The following PLXDC2 variants were observed in gnomAD, a reference collection of about 807,000 sequenced individuals.
PLXDC2 encodes the protein plexin domain-containing protein 2.
PLXDC2 carries 40 observed loss-of-function variants against 68.9 expected under a neutral mutation model. The observed-to-expected ratio is 0.58, with a 90% confidence interval of 0.45 to 0.76. The LOEUF (loss-of-function observed/expected upper bound fraction) is 0.76. PLXDC2 is among the 30% of genes least tolerant of loss of function. The pLI, the probability that PLXDC2 is intolerant of heterozygous loss-of-function variation, is 0.00. For synonymous variants in PLXDC2, 243 were observed against 234.2 expected (o/e 1.04, Z -0.34); for missense variants, 644 against 661.9 (o/e 0.97, Z 0.30).
intron 4 of PLXDC2, among the ~76,000 whole-genome samples, chr10:20,099,563 T>C (rs1206865971): frequency 3.3e-5 from 5 of 152,172 alleles, no homozygotes. Context: ...ATATTGATTG[T>C]GTGGGGTTTC....
intron 1 of PLXDC2, among the ~76,000 whole-genome samples, chr10:19,973,275 T>A (rs915691721): frequency 1.3e-5 from 2 of 148,874 alleles, no homozygotes; most frequent in Admixed American, 1.4e-4. Context: ...CACAGATATA[T>A]GTATACACAT....
At chr10:19,824,981 T>A (rs148723695) in intron 1 of PLXDC2, among the ~76,000 whole-genome samples, 5 of 152,236 alleles carry the variant, frequency 3.3e-5, no homozygotes, top group African/African-American at 1.2e-4. Flanking sequence ...TTACTGGATA[T>A]CCAGACTTTT....
chr10:20,157,423 C>T (rs1834231590), intron 6 of PLXDC2, among the ~76,000 whole-genome samples: 1 of 152,160 alleles, frequency 6.6e-6, no homozygotes, highest in South Asian at 2.1e-4. Flanking sequence ...ATAGCTGGGC[C>T]TGTAATGGAA....
intron 1 of PLXDC2, among the ~76,000 whole-genome samples, chr10:19,950,153 T>C (rs10764180): frequency 5.3e-5 from 8 of 152,136 alleles, no homozygotes; most frequent in Admixed American, 3.9e-4. Context: ...ATATTACTAA[T>C]TGTCCTAGTC....
intron 4 of PLXDC2, among the ~76,000 whole-genome samples, chr10:20,123,224 G>A (rs1450021588): frequency 1.3e-5 from 2 of 152,122 alleles, no homozygotes; most frequent in Non-Finnish European, 2.9e-5. Flanking sequence ...GCAGCCTGGG[G>A]AGGAGGGGAG....
intron 1 of PLXDC2, among the ~76,000 whole-genome samples, chr10:19,920,520 C>A (rs1393525645): frequency 6.6e-6 from 1 of 152,230 alleles, no homozygotes; most frequent in Non-Finnish European, 1.5e-5. Flanking sequence ...AGGCCATGAA[C>A]TGGTGGAAGG....
At chr10:20,136,167 G>A (rs1240792531) in intron 4 of PLXDC2, among the ~76,000 whole-genome samples, 1 of 152,126 alleles carries the variant, frequency 6.6e-6, no homozygotes, top group African/African-American at 2.4e-5. Context: ...GCAAATACAA[G>A]CCGATATCCT....
intron 2 of PLXDC2, among the ~76,000 whole-genome samples, chr10:20,022,756 T>C (rs557867377): frequency 5.8e-4 from 88 of 152,256 alleles, no homozygotes; most frequent in Non-Finnish European, 1.0e-3. Flanking sequence ...AAGAGTGATG[T>C]ACATGCAAAT....
At chr10:20,183,258 G>T (rs781410005) in intron 9 of PLXDC2, among the ~76,000 whole-genome samples, 8 of 151,922 alleles carry the variant, frequency 5.3e-5, no homozygotes, top group Non-Finnish European at 1.2e-4. Context: ...CATATAGATA[G>T]TGTTTAAATT....
chr10:19,894,622 T>C (rs1259496098), intron 1 of PLXDC2, among the ~76,000 whole-genome samples: 1 of 152,240 alleles, frequency 6.6e-6, no homozygotes, highest in African/African-American at 2.4e-5. Context: ...TTATCTACAA[T>C]GTTACATCAG....
chr10:20,116,373 C>T (rs189520922), intron 4 of PLXDC2, among the ~76,000 whole-genome samples: 33 of 152,268 alleles, frequency 2.2e-4, no homozygotes, highest in Non-Finnish European at 4.3e-4. Flanking sequence ...TATCTGTTCT[C>T]GGGTTGTCCC....
chr10:19,885,829 C>T (rs1323003720), intron 1 of PLXDC2, among the ~76,000 whole-genome samples: 34 of 152,156 alleles, frequency 2.2e-4, no homozygotes, highest in Middle Eastern at 3.4e-3. Flanking sequence ...ATTGACTTGG[C>T]GATGCAGGCT....
At chr10:20,193,720 T>C (rs1834800136) in intron 9 of PLXDC2, among the ~76,000 whole-genome samples, 1 of 152,092 alleles carries the variant, frequency 6.6e-6, no homozygotes, top group African/African-American at 2.4e-5. Context: ...GTGCTTCTGT[T>C]AACATAAGAT....
chr10:19,931,579 G>A (rs972010533), intron 1 of PLXDC2, among the ~76,000 whole-genome samples: 3 of 152,076 alleles, frequency 2.0e-5, no homozygotes, highest in African/African-American at 4.8e-5. Flanking sequence ...AATGATCACC[G>A]CCCCCTAGGT....
chr10:20,235,613 G>A (rs768979237), intron 12 of PLXDC2, among the ~76,000 whole-genome samples: 1 of 152,158 alleles, frequency 6.6e-6, no homozygotes, highest in East Asian at 1.9e-4. Flanking sequence ...AGGTCCAGCA[G>A]TGTGAGATCT....
intron 1 of PLXDC2, among the ~76,000 whole-genome samples, chr10:19,981,455 G>A (rs886122678): frequency 1.3e-5 from 2 of 152,184 alleles, no homozygotes; most frequent in African/African-American, 4.8e-5. Flanking sequence ...AAGTGCAATT[G>A]AGACTTGAAC....
chr10:19,909,227 A>G (rs564694683), intron 1 of PLXDC2, among the ~76,000 whole-genome samples: 1 of 152,286 alleles, frequency 6.6e-6, no homozygotes, highest in African/African-American at 2.4e-5. Flanking sequence ...ATGTTGGTAA[A>G]TATTGTGTGA....
intron 2 of PLXDC2, among the ~76,000 whole-genome samples, chr10:20,024,804 G>A (rs1835369077): frequency 6.6e-6 from 1 of 152,048 alleles, no homozygotes; most frequent in Admixed American, 6.6e-5. Context: ...CTACTTATAA[G>A]TGAGAACATG....
intron 4 of PLXDC2, among the ~76,000 whole-genome samples, chr10:20,126,869 A>G (rs1397678593): frequency 6.8e-6 from 1 of 147,628 alleles, no homozygotes; most frequent in East Asian, 2.0e-4. Context: ...ATGTATGTAT[A>G]TATAATATAT....
Sources: gnomAD v4.1 joint callset for allele counts (sites outside exome capture counted in the v4.1 genomes callset) on GRCh38, gnomAD v4.1.1 for gene constraint, MANE v1.5 for transcripts, NCBI Gene and HGNC (gene_info 2026-07-23, HGNC 2026-07-21) for gene names.